Variants in TMEM132C observed in about 807,000 individuals in gnomAD.
TMEM132C encodes the protein protein phosphatase 1, regulatory subunit 152.
Under a neutral mutation model 61.4 loss-of-function variants are expected in TMEM132C, and 29 were observed. The observed-to-expected ratio is 0.47, with a 90% CI of 0.35 to 0.64. The LOEUF (loss-of-function observed/expected upper bound fraction) is 0.64. Among genes scored for constraint, TMEM132C ranks in the 30% least tolerant of loss-of-function variants. The pLI is 0.00. For synonymous variants in TMEM132C, 656 were observed against 633.1 expected, an observed-to-expected ratio of 1.04 and a Z score of -0.54; for missense variants, 1,408 against 1,476.9, an observed-to-expected ratio of 0.95 and a Z score of 0.76.
chr12:128,679,290 A>G (rs1954615809), intron 5 of TMEM132C, among the ~76,000 whole-genome samples: 1 of 152,218 alleles, frequency 6.6e-6, no homozygotes, highest in Non-Finnish European at 1.5e-5. Context: ...CTAGACTTGC[A>G]TTAGGCAGCT....
At chr12:128,398,507 C>G (rs1024881490) in intron 1 of TMEM132C, among the ~76,000 whole-genome samples, 2 of 152,142 alleles carry the variant, frequency 1.3e-5, no homozygotes, top group Non-Finnish European at 2.9e-5. Flanking sequence ...GATGTTGGCA[C>G]GTTGCCCGTC....
At chr12:128,668,153 G>T (rs900226664) in intron 4 of TMEM132C, among the ~76,000 whole-genome samples, 3 of 152,078 alleles carry the variant, frequency 2.0e-5, no homozygotes, top group Non-Finnish European at 2.9e-5. Context: ...GGTGACACTT[G>T]CCTATGTTCC....
At chr12:128,489,562 C>CATATATATATATATATATATATAT (rs10654008) in intron 2 of TMEM132C, among the ~76,000 whole-genome samples, 212 of 138,332 alleles carry the variant, frequency 1.5e-3, no homozygotes, top group Admixed American at 4.3e-3. Flanking sequence ...TTTATATGCT[C>CATATATATATATATATATATATAT]ATATATATAT....
intron 3 of TMEM132C, among the ~76,000 whole-genome samples, chr12:128,579,409 A>G (rs1875247968): frequency 6.6e-6 from 1 of 152,202 alleles, no homozygotes. Flanking sequence ...CTTTGTGAAT[A>G]TGTGTTGGGG....
chr12:128,582,001 G>A (rs1450960927), intron 3 of TMEM132C, among the ~76,000 whole-genome samples: 2 of 152,186 alleles, frequency 1.3e-5, no homozygotes, highest in African/African-American at 2.4e-5. Flanking sequence ...TGTGGCAGAC[G>A]AGGGGCCAGA....
At chr12:128,523,682 T>G (rs1262149745) in intron 2 of TMEM132C, among the ~76,000 whole-genome samples, 1 of 151,608 alleles carries the variant, frequency 6.6e-6, no homozygotes, top group Non-Finnish European at 1.5e-5. Flanking sequence ...GTCAGAAAAA[T>G]CTGTAAAAAA....
At chr12:128,505,185 A>G (rs1872317009) in intron 2 of TMEM132C, among the ~76,000 whole-genome samples, 1 of 152,156 alleles carries the variant, frequency 6.6e-6, no homozygotes, top group Non-Finnish European at 1.5e-5. Flanking sequence ...TCCCAGAACC[A>G]AAGGACCTGA....
intron 1 of TMEM132C, among the ~76,000 whole-genome samples, chr12:128,358,295 C>A (rs1270282763): frequency 1.3e-5 from 2 of 152,176 alleles, no homozygotes; most frequent in Admixed American, 1.3e-4. Context: ...CACTTTAAAT[C>A]TTTAATACCT....
chr12:128,486,478 C>T (rs541770886), intron 2 of TMEM132C, among the ~76,000 whole-genome samples: 1 of 152,168 alleles, frequency 6.6e-6, no homozygotes, highest in Non-Finnish European at 1.5e-5. Flanking sequence ...AAGGACCATC[C>T]CACCCAGCAG....
At chr12:128,457,209 T>C (rs79372880) in intron 2 of TMEM132C, among the ~76,000 whole-genome samples, 1,623 of 151,996 alleles carry the variant, frequency 0.011, 18 homozygotes, top group African/African-American at 0.037. Flanking sequence ...CTGCCAGTTT[T>C]TCAAAGTGGT....
intron 1 of TMEM132C, among the ~76,000 whole-genome samples, chr12:128,291,036 GT>G (rs1161357384): frequency 7.2e-5 from 11 of 152,124 alleles, no homozygotes; most frequent in African/African-American, 2.4e-4. Context: ...GGAGCGTGCT[GT>G]AGGTGAGTGC....
intron 1 of TMEM132C, among the ~76,000 whole-genome samples, chr12:128,368,834 A>AG (rs1174114082): frequency 3.7e-4 from 57 of 152,298 alleles, no homozygotes; most frequent in African/African-American, 1.3e-3. Context: ...TCCTTTCTCA[A>AG]GGTTGGTGCA....
At chr12:128,433,018 T>C (rs866944144) in intron 2 of TMEM132C, among the ~76,000 whole-genome samples, 2 of 146,506 alleles carry the variant, frequency 1.4e-5, no homozygotes, top group African/African-American at 5.4e-5. Flanking sequence ...AATAAATAAA[T>C]AAATAAATAA....
intron 1 of TMEM132C, among the ~76,000 whole-genome samples, chr12:128,401,762 G>A (rs1181387917): frequency 2.0e-5 from 3 of 152,136 alleles, no homozygotes; most frequent in African/African-American, 4.8e-5. Flanking sequence ...GTGGGGCAGC[G>A]TCATGCAGAA....
chr12:128,325,044 C>A (rs760197338), intron 1 of TMEM132C, among the ~76,000 whole-genome samples: 20 of 151,980 alleles, frequency 1.3e-4, no homozygotes, highest in Non-Finnish European at 2.5e-4. Context: ...TAGAGGAATT[C>A]CTGAGCTAGA....
intron 1 of TMEM132C, among the ~76,000 whole-genome samples, chr12:128,394,782 A>G (rs1022533915): frequency 1.2e-4 from 18 of 152,242 alleles, no homozygotes; most frequent in African/African-American, 3.4e-4. Flanking sequence ...ACGGGATAGT[A>G]TATATATCTG....
intron 2 of TMEM132C, among the ~76,000 whole-genome samples, chr12:128,532,363 G>A (rs1474878983): frequency 6.6e-6 from 1 of 151,786 alleles, no homozygotes; most frequent in Admixed American, 6.6e-5. Flanking sequence ...AGGAGGCCGG[G>A]CGCAGTGGCT....
chr12:128,606,067 C>T (rs1876413273), intron 3 of TMEM132C, among the ~76,000 whole-genome samples: 1 of 152,238 alleles, frequency 6.6e-6, no homozygotes, highest in Non-Finnish European at 1.5e-5. Context: ...CTGTGGAGCA[C>T]CAGGAGCCTG....
chr12:128,348,306 A>C (rs1299178268), intron 1 of TMEM132C, among the ~76,000 whole-genome samples: 1 of 152,238 alleles, frequency 6.6e-6, no homozygotes, highest in Non-Finnish European at 1.5e-5. Flanking sequence ...ACTGAATTCA[A>C]GTGTAAGCTG....
Sources: gnomAD v4.1 joint callset for allele counts (sites outside exome capture counted in the v4.1 genomes callset) on GRCh38, gnomAD v4.1.1 for gene constraint, MANE v1.5 for transcripts, NCBI Gene and HGNC (gene_info 2026-07-23, HGNC 2026-07-21) for gene names.